The following DNAJC10 variants were observed in gnomAD, a reference collection of about 807,000 sequenced individuals.
The protein encoded by DNAJC10 is endoplasmic reticulum disulfide reductase DNAJC10.
In DNAJC10, 101 loss-of-function variants were observed where a neutral mutation model predicts 115.0. That is an observed-to-expected ratio of 0.88 (90% CI 0.75 to 1.04). The LOEUF is 1.04. Among genes scored for constraint, DNAJC10 ranks in the 50% least tolerant of loss-of-function variants. DNAJC10 has a pLI of 0.00. For synonymous variants in DNAJC10, 307 were observed against 301.5 expected, an observed-to-expected ratio of 1.02 and a Z score of -0.19; for missense variants, 981 against 928.8, an observed-to-expected ratio of 1.06 and a Z score of -0.73.
chr2:182,757,733 A>G lies in DNAJC10; in HGVS notation c.1851A>G (p.Gln617=). Residue 617 remains glutamine, a synonymous_variant, in exon 19 of 24, where the codon CAA becomes CAG. Transcript: ENST00000264065. ...TCAACGTGGGCAGTATAGATTGCCA[A>G]CAGTATCATTCTTTTTGTGCCCAGG... is the stretch of plus-strand genomic sequence containing the variant. ...GLINVGSIDC[Q]QYHSFCAQEN... 1 of 1,603,760 alleles carries G rather than the reference A, an allele frequency of 6.2e-7. No individual in the cohort carries two copies. Among genetic ancestry groups the G allele is most frequent in the Non-Finnish European group, 8.5e-7 (1 of 1,175,484 alleles).
chr2:182,777,439 G>A lies in DNAJC10; in HGVS notation c.*307G>A, dbSNP rs578231212. ...AACAACCTTTAAAAAATATTAAAAC[G>A]ATTCTTAGCTCAGAGCCATACAAAA... On this transcript the variant is annotated 3_prime_UTR_variant, in exon 24 of 24. Coordinates refer to ENST00000264065, the MANE Select transcript of DNAJC10 (RefSeq NM_018981.4). 1 of 189,852 alleles carries A rather than the reference G, an allele frequency of 5.3e-6. No homozygotes were observed. The highest frequency in any genetic ancestry group is 1.1e-5 in the Non-Finnish European group (1 of 92,794). The allele number at this position is 189,852 out of a possible 1,614,324, so 11.8% of individuals were successfully genotyped here. A position where few individuals can be genotyped will look rare whatever the true frequency, so the allele number is the denominator to read the frequency against.
intron 23 of DNAJC10, 37 bp downstream of exon 23, chr2:182,775,457 T>G: frequency 6.9e-7 from 1 of 1,439,094 alleles, no homozygotes; most frequent in South Asian, 1.2e-5. Context: ...TGGCAAAAGT[T>G]GGCAAAAGTT....
intron 9 of DNAJC10, among the ~76,000 whole-genome samples, 167 bp downstream of exon 9, chr2:182,731,274 C>T (rs1038987616): frequency 6.6e-6 from 1 of 152,002 alleles, no homozygotes; most frequent in Non-Finnish European, 1.5e-5. Flanking sequence ...CATTATTTTA[C>T]ACATGAGGTT....
In DNAJC10 at chr2:182,789,863, G is replaced by A. The variant is rs1424936455; in HGVS notation, c.*12731G>A. The A allele has an allele frequency of 1.2e-4, 19 of 152,154 alleles. No homozygotes were observed. Among genetic ancestry groups the A allele is most frequent in the Admixed American group, 1.2e-3 (19 of 15,272 alleles). 9.4% of individuals were successfully genotyped at this position (152,154 alleles called of 1,614,324 possible). On this transcript the variant is annotated 3_prime_UTR_variant, in exon 24 of 24. Transcript: ENST00000264065. The stretch of plus-strand genomic sequence containing the variant: ...TTTTTTAAATAGTAGGTATCCCAAT[G>A]AGTGTGCGTTCATATCCCATTGGAG...
At chr2:182,740,595 A>G (rs1400883875) in intron 12 of DNAJC10, among the ~76,000 whole-genome samples, 1 of 152,116 alleles carries the variant, frequency 6.6e-6, no homozygotes, top group Non-Finnish European at 1.5e-5. Flanking sequence ...GTTCTGGAAA[A>G]CCTACTCAGT....
chr2:182,766,087 A>C (rs1018486922), intron 22 of DNAJC10, among the ~76,000 whole-genome samples: 4 of 152,234 alleles, frequency 2.6e-5, no homozygotes, highest in Non-Finnish European at 2.9e-5. Flanking sequence ...GTTGGCACCA[A>C]GCCTTAAGGA....
intron 22 of DNAJC10, among the ~76,000 whole-genome samples, chr2:182,764,010 T>A (rs908355251): frequency 6.6e-6 from 1 of 152,200 alleles, no homozygotes; most frequent in African/African-American, 2.4e-5. Flanking sequence ...CTGTGACTAT[T>A]CTTCAAGTTG....
chr2:182,724,797 T>C (rs896260424), intron 5 of DNAJC10, among the ~76,000 whole-genome samples: 1 of 152,210 alleles, frequency 6.6e-6, no homozygotes, highest in Non-Finnish European at 1.5e-5. Flanking sequence ...CAACATCCCA[T>C]TGAGCTGTGA....
intron 10 of DNAJC10, among the ~76,000 whole-genome samples, chr2:182,733,402 C>T (rs1355650060): frequency 6.6e-6 from 1 of 151,840 alleles, no homozygotes; most frequent in African/African-American, 2.4e-5. Flanking sequence ...TTCAGCACTA[C>T]ACATTAAAAT....
intron 22 of DNAJC10, among the ~76,000 whole-genome samples, chr2:182,763,054 C>T (rs929892353): frequency 6.6e-6 from 1 of 151,634 alleles, no homozygotes; most frequent in African/African-American, 2.4e-5. Context: ...TAGAAAGAGA[C>T]AAAAAAAGTA....
chr2:182,716,281 C>T lies in DNAJC10; in HGVS notation c.-406C>T, dbSNP rs1692985482. ...CCCCGGCTCGCCGTGGAGACCGGCG[C>T]GTGAGGAACCTACCGGTACCGGCCG... On this transcript the variant is annotated 5_prime_UTR_variant, in exon 1 of 24. Coordinates refer to ENST00000264065, the MANE Select transcript of DNAJC10 (RefSeq NM_018981.4). 1 of 152,414 alleles carries T rather than the reference C, an allele frequency of 6.6e-6. No individual in the cohort carries two copies. Among genetic ancestry groups the T allele is most frequent in the Non-Finnish European group, 1.5e-5 (1 of 68,204 alleles). 9.4% of individuals were successfully genotyped at this position (152,414 alleles called of 1,614,324 possible). A position where few individuals can be genotyped will look rare whatever the true frequency, so the allele number is the denominator to read the frequency against.
rs1215511509 is a variant in DNAJC10 at position 182,785,879 on chromosome 2, ATGT to A, written c.*8753_*8755del. On this transcript the variant is annotated 3_prime_UTR_variant, in exon 24 of 24. Coordinates refer to ENST00000264065, the MANE Select transcript of DNAJC10 (RefSeq NM_018981.4). ...ATTAACTAAGAATTGTTTGCAGGGG[ATGT>A]TGTTGCATATTCTAATGACTTTTTT... The A allele has an allele frequency of 1.3e-5, 2 of 152,036 alleles. No individual in the cohort carries two copies. The highest frequency in any genetic ancestry group is 1.5e-5 in the Non-Finnish European group (1 of 68,002). The allele number at this position is 152,036 out of a possible 1,614,324, so 9.4% of individuals were successfully genotyped here. A position where few individuals can be genotyped will look rare whatever the true frequency, so the allele number is the denominator to read the frequency against.
At position 182,757,835 on chromosome 2, in the gene DNAJC10, C is replaced by G. The variant is rs1574947927; in HGVS notation, c.1943+10C>G. Reference sequence around the variant, plus strand: ...AAGCTTATCATTATCAGTAAGTATTCTCTCATATTTGAAGACATTTATTAT... The same window carrying G: ...AAGCTTATCATTATCAGTAAGTATTGTCTCATATTTGAAGACATTTATTAT... On this transcript the variant is annotated intron_variant, in intron 19 of 23. Coordinates refer to ENST00000264065, the MANE Select transcript of DNAJC10 (RefSeq NM_018981.4). 3 of 1,371,660 alleles carry G rather than the reference C, an allele frequency of 2.2e-6. No individual in the cohort carries two copies. The highest frequency in any genetic ancestry group is 3.0e-6 in the Non-Finnish European group (3 of 983,946). 85.0% of individuals were successfully genotyped at this position (1,371,660 alleles called of 1,614,324 possible). A position where few individuals can be genotyped will look rare whatever the true frequency, so the allele number is the denominator to read the frequency against.
Position 182,793,079 on chromosome 2 carries a change from G to A in DNAJC10, c.*15947G>A, listed in dbSNP as rs532629368. 2.0e-4 allele frequency: 31 copies of A among 152,472 alleles called. No homozygotes were observed. The highest frequency in any genetic ancestry group is 3.5e-4 in the Non-Finnish European group (24 of 68,322). The allele number at this position is 152,472 out of a possible 1,614,324, so 9.4% of individuals were successfully genotyped here. A position where few individuals can be genotyped will look rare whatever the true frequency, so the allele number is the denominator to read the frequency against. ...ACAGGGCAGGTCTCTTGGAGAAGAT[G>A]CCATTGAAGGAGGTGGAAAAAATGT... On this transcript the variant is annotated 3_prime_UTR_variant, in exon 24 of 24. Coordinates refer to ENST00000264065, the MANE Select transcript of DNAJC10 (RefSeq NM_018981.4).
At chr2:182,747,025 A>G (rs1358921255) in intron 14 of DNAJC10, among the ~76,000 whole-genome samples, 6 of 152,156 alleles carry the variant, frequency 3.9e-5, no homozygotes, top group Non-Finnish European at 2.9e-5. Flanking sequence ...AGGTTTGTCA[A>G]AGATCAGATA....
intron 14 of DNAJC10, among the ~76,000 whole-genome samples, chr2:182,751,030 C>G (rs1694002830): frequency 6.6e-6 from 1 of 150,612 alleles, no homozygotes; most frequent in Non-Finnish European, 1.5e-5. Context: ...GGAGTTAGGC[C>G]ATAGTAATCA....
At chr2:182,755,167 A>C (rs1694126096) in intron 17 of DNAJC10, 63 bp downstream of exon 17, 1 of 961,346 alleles carries the variant, frequency 1.0e-6, no homozygotes, top group African/African-American at 1.6e-5. Flanking sequence ...CCCTGTATGA[A>C]TGTTTCATAT....
intron 4 of DNAJC10, 103 bp from the exon 5 acceptor site, chr2:182,721,917 ATATAG>A (rs1167886889): frequency 1.6e-5 from 10 of 606,570 alleles, no homozygotes; most frequent in Non-Finnish European, 2.5e-5. Context: ...TTGAGATATA[ATATAG>A]TAGTTTGATT....
At position 182,779,286 on chromosome 2, in the gene DNAJC10, G is replaced by A. The variant is rs748045906; in HGVS notation, c.*2154G>A. The A allele has an allele frequency of 4.6e-5, 7 of 152,156 alleles. No homozygotes were observed. The highest frequency in any genetic ancestry group is 1.0e-4 in the Non-Finnish European group (7 of 68,030). The allele number at this position is 152,156 out of a possible 1,614,324, so 9.4% of individuals were successfully genotyped here. A position where few individuals can be genotyped will look rare whatever the true frequency, so the allele number is the denominator to read the frequency against. On this transcript the variant is annotated 3_prime_UTR_variant, in exon 24 of 24. Coordinates refer to ENST00000264065, the MANE Select transcript of DNAJC10 (RefSeq NM_018981.4). The stretch of plus-strand genomic sequence containing the variant: ...AGATTGAGCTTTTAATGGCTATATT[G>A]ATACAGTAGATAGAGCACCTCTAAG...
Sources: gnomAD v4.1 joint callset for allele counts (sites outside exome capture counted in the v4.1 genomes callset) on GRCh38, gnomAD v4.1.1 for gene constraint, MANE v1.5 for transcripts, NCBI Gene and HGNC (gene_info 2026-07-23, HGNC 2026-07-21) for gene names.